ANKS1B: variants seen among roughly 807,000 people sequenced by gnomAD.
ANKS1B encodes ankyrin repeat and sterile alpha motif domain containing 1B.
Under a neutral mutation model 148.3 loss-of-function variants are expected in ANKS1B, and 36 were observed. The ratio of observed to expected loss-of-function variants is 0.24; its 90% CI spans 0.19 to 0.32. The LOEUF is 0.32. Among genes scored for constraint, ANKS1B ranks in the 10% least tolerant of loss-of-function variants. ANKS1B has a pLI of 1.00. For synonymous variants in ANKS1B, 542 were observed against 560.8 expected (o/e 0.97, Z 0.47); for missense variants, 1,157 against 1,542.6 (o/e 0.75, Z 4.19).
intron 8 of ANKS1B, among the ~76,000 whole-genome samples, chr12:99,697,640 CTA>C (rs1324852931): frequency 6.6e-6 from 1 of 152,004 alleles, no homozygotes; most frequent in Non-Finnish European, 1.5e-5. Context: ...TGAAACTATT[CTA>C]TATGTTACTG....
chr12:99,266,483 C>T (rs896222598), intron 12 of ANKS1B, among the ~76,000 whole-genome samples: 2 of 152,182 alleles, frequency 1.3e-5, no homozygotes, highest in African/African-American at 4.8e-5. Context: ...AATTACACAA[C>T]TGGTTAGTAA....
chr12:98,907,561 A>T (rs150758954), intron 17 of ANKS1B, among the ~76,000 whole-genome samples: 1 of 152,058 alleles, frequency 6.6e-6, no homozygotes, highest in Non-Finnish European at 1.5e-5. Context: ...TCTTCCCCCA[A>T]TGGTGGTGGT....
At chr12:99,173,207 T>C (rs1002484834) in intron 14 of ANKS1B, among the ~76,000 whole-genome samples, 6 of 152,184 alleles carry the variant, frequency 3.9e-5, no homozygotes, top group Non-Finnish European at 8.8e-5. Context: ...TTAGAGTAAA[T>C]ACCTTCTGTG....
chr12:98,999,520 C>CT (rs1268638046), intron 17 of ANKS1B, among the ~76,000 whole-genome samples: 1 of 152,074 alleles, frequency 6.6e-6, no homozygotes, highest in Non-Finnish European at 1.5e-5. Context: ...GGAAAGGATA[C>CT]TTTATGTTTT....
intron 17 of ANKS1B, among the ~76,000 whole-genome samples, chr12:99,045,456 C>T (rs2099961724): frequency 6.6e-6 from 1 of 152,164 alleles, no homozygotes; most frequent in Non-Finnish European, 1.5e-5. Flanking sequence ...CCTTTAGTGA[C>T]TCCCTCTAAC....
intron 24 of ANKS1B, among the ~76,000 whole-genome samples, chr12:98,780,376 AT>A (rs1251221480): frequency 1.3e-5 from 2 of 152,204 alleles, no homozygotes; most frequent in Non-Finnish European, 2.9e-5. Context: ...GAGAGGGACA[AT>A]GGTCACACCC....
At chr12:99,887,862 G>T (rs1161168762) in intron 1 of ANKS1B, among the ~76,000 whole-genome samples, 1 of 152,052 alleles carries the variant, frequency 6.6e-6, no homozygotes, top group South Asian at 2.1e-4. Flanking sequence ...CCAGTACCTC[G>T]GTCTAGGTTA....
At chr12:99,011,584 T>C (rs2099939438) in intron 17 of ANKS1B, among the ~76,000 whole-genome samples, 1 of 152,246 alleles carries the variant, frequency 6.6e-6, no homozygotes, top group Non-Finnish European at 1.5e-5. Context: ...TTCATTGCAC[T>C]GTCAATAGCC....
chr12:99,748,080 C>T (rs536765185), intron 8 of ANKS1B, among the ~76,000 whole-genome samples: 5 of 152,030 alleles, frequency 3.3e-5, no homozygotes, highest in South Asian at 2.1e-4. Context: ...ATTATGATTG[C>T]GACTAGCTAG....
At chr12:99,058,758 G>C (rs2041234243) in intron 16 of ANKS1B, among the ~76,000 whole-genome samples, 1 of 55,550 alleles carries the variant, frequency 1.8e-5, no homozygotes, top group African/African-American at 7.1e-5. Flanking sequence ...TTTTTTTTGA[G>C]ACGGAGTCTC....
At chr12:99,738,873 A>T (rs2059843156) in intron 8 of ANKS1B, among the ~76,000 whole-genome samples, 2 of 152,170 alleles carry the variant, frequency 1.3e-5, no homozygotes. Context: ...CTGTGAAGCA[A>T]GTAGGTGATT....
At chr12:99,221,800 C>A (rs948431184) in intron 14 of ANKS1B, among the ~76,000 whole-genome samples, 1 of 152,096 alleles carries the variant, frequency 6.6e-6, no homozygotes, top group South Asian at 2.1e-4. Flanking sequence ...CATCCCTGAA[C>A]CAGCAATTTA....
At chr12:99,645,064 G>A (rs1008793681) in intron 9 of ANKS1B, among the ~76,000 whole-genome samples, 3 of 152,138 alleles carry the variant, frequency 2.0e-5, no homozygotes, top group Admixed American at 2.0e-4. Context: ...TGCCACATAA[G>A]GTAATATATT....
At chr12:99,441,140 T>C (rs1053794371) in intron 11 of ANKS1B, among the ~76,000 whole-genome samples, 1 of 151,928 alleles carries the variant, frequency 6.6e-6, no homozygotes, top group South Asian at 2.1e-4. Flanking sequence ...AACTCCACAC[T>C]TTCTGCATTT....
At chr12:99,126,672 C>T (rs760377054) in intron 15 of ANKS1B, among the ~76,000 whole-genome samples, 17 of 152,072 alleles carry the variant, frequency 1.1e-4, no homozygotes, top group Non-Finnish European at 2.2e-4. Context: ...TACGCCAGTT[C>T]GACATTTATT....
chr12:99,296,876 T>G (rs1251382066), intron 12 of ANKS1B, among the ~76,000 whole-genome samples: 1 of 152,202 alleles, frequency 6.6e-6, no homozygotes, highest in Non-Finnish European at 1.5e-5. Context: ...GTTAACTTAT[T>G]TATGAAATGA....
At chr12:98,761,827 G>C (rs1413496976) in intron 25 of ANKS1B, among the ~76,000 whole-genome samples, 1 of 152,168 alleles carries the variant, frequency 6.6e-6, no homozygotes, top group Non-Finnish European at 1.5e-5. Context: ...GGAATCTGAG[G>C]AGGAGGCCAT....
At chr12:99,506,926 TTAC>T (rs2096717629) in intron 9 of ANKS1B, among the ~76,000 whole-genome samples, 1 of 151,858 alleles carries the variant, frequency 6.6e-6, no homozygotes, top group Admixed American at 6.6e-5. Context: ...GTCCAACAGG[TTAC>T]TATAAGCTCC....
intron 9 of ANKS1B, among the ~76,000 whole-genome samples, chr12:99,632,767 A>ATATATATTTTTTTTT: frequency 1.4e-5 from 1 of 71,316 alleles, no homozygotes; most frequent in South Asian, 4.5e-4. Flanking sequence ...ATATATATAT[A>ATATATATTTTTTTTT]TTTTAATTAT....
Sources: allele counts gnomAD v4.1 joint callset (sites outside exome capture counted in the v4.1 genomes callset), GRCh38; gene constraint gnomAD v4.1.1; transcripts MANE v1.5; gene names NCBI Gene and HGNC (gene_info 2026-07-23, HGNC 2026-07-21).